HKDC1: variants seen among roughly 807,000 people sequenced by gnomAD.
HKDC1 encodes the protein hexokinase domain containing 1.
A neutral mutation model predicts 96.6 loss-of-function variants in HKDC1; 66 were observed. That is an observed-to-expected ratio of 0.68 (90% confidence interval 0.56 to 0.84). The LOEUF (loss-of-function observed/expected upper bound fraction) is 0.84. HKDC1 is among the 40% of genes least tolerant of loss of function. The pLI is 0.00. For synonymous variants in HKDC1, 466 were observed against 473.1 expected (o/e 0.98, Z 0.20); for missense variants, 1,211 against 1,208.1 (o/e 1.00, Z -0.04).
chr10:69,225,842 C>T (rs1843146263), intron 1 of HKDC1: 1 of 152,368 alleles, frequency 6.6e-6, no homozygotes. Flanking sequence ...GAACTTTGGC[C>T]TTACGTGGCT....
At chr10:69,235,282 C>A (rs1335534506) in intron 4 of HKDC1, among the ~76,000 whole-genome samples, 1 of 152,018 alleles carries the variant, frequency 6.6e-6, no homozygotes, top group Admixed American at 6.6e-5. Context: ...ATTAGCTGGG[C>A]CTGGTGGCGG....
chr10:69,257,225 C>T, intron 13 of HKDC1, 94 bp downstream of exon 13: 2 of 1,442,400 alleles, frequency 1.4e-6, no homozygotes, highest in Non-Finnish European at 2.0e-6. Context: ...TGACTCTGGC[C>T]TCTGTCTGCC....
chr10:69,257,273 C>A (rs1843733136), intron 13 of HKDC1, 54 bp from the exon 14 acceptor site: 2 of 1,532,818 alleles, frequency 1.3e-6, no homozygotes, highest in Non-Finnish European at 1.8e-6. Context: ...GTTTGGCTTG[C>A]ACATTCAACT....
Position 69,246,205 on chromosome 10 carries a change from C to A in HKDC1, c.1002C>A (p.Ile334=), listed in dbSNP as rs144214911. The change falls in exon 8 of 18, where the codon ATC becomes ATA. Residue 334 remains isoleucine, a synonymous_variant. Transcript: ENST00000354624. ...CTGCTCTCCACACTAAGGGCAAGAT[C>A]GAAACACGGCACGTGGCTGCCATGG... ...KSSALHTKGK[I]ETRHVAAMEK... 6.2e-7 allele frequency: 1 copy of A among 1,614,104 alleles called. No homozygotes were observed. The highest frequency in any genetic ancestry group is 8.5e-7 in the Non-Finnish European group (1 of 1,180,026).
chr10:69,241,336 G>A (rs1312453193), intron 6 of HKDC1, among the ~76,000 whole-genome samples: 1 of 152,110 alleles, frequency 6.6e-6, no homozygotes, highest in Admixed American at 6.5e-5. Flanking sequence ...GAGAGTCGGA[G>A]GCCATTCAAG....
chr10:69,224,809 G>A (rs1327259599), intron 1 of HKDC1, among the ~76,000 whole-genome samples: 1 of 152,146 alleles, frequency 6.6e-6, no homozygotes, highest in Non-Finnish European at 1.5e-5. Context: ...CTGCTGGTTG[G>A]CTTTCTTGCT....
chr10:69,242,284 T>C, intron 6 of HKDC1, among the ~76,000 whole-genome samples: 1 of 152,080 alleles, frequency 6.6e-6, no homozygotes, highest in Middle Eastern at 3.4e-3. Flanking sequence ...AACCACAGAT[T>C]GGGGGGGCCA....
chr10:69,267,461 G>A lies in HKDC1; in HGVS notation c.*704G>A. The A allele has an allele frequency of 2.2e-6, 1 of 455,792 alleles. No individual in the cohort carries two copies. The highest frequency in any genetic ancestry group is 4.4e-6 in the Non-Finnish European group (1 of 226,896). The allele number at this position is 455,792 out of a possible 1,614,324, so 28.2% of individuals were successfully genotyped here. ...GGCATCTGTTTTTCATTTTGCCTGT[G>A]GTTTGTGTTGCAGGTGTTGATAGTT... On this transcript the variant is annotated 3_prime_UTR_variant, in exon 18 of 18. Transcript: ENST00000354624.
intron 12 of HKDC1, among the ~76,000 whole-genome samples, chr10:69,255,069 G>C (rs1047676125): frequency 6.6e-6 from 1 of 152,170 alleles, no homozygotes; most frequent in Non-Finnish European, 1.5e-5. Context: ...AGCTGTCTGC[G>C]GTCCTGACGG....
At chr10:69,239,357 T>C (rs1843417451) in intron 5 of HKDC1, among the ~76,000 whole-genome samples, 1 of 152,202 alleles carries the variant, frequency 6.6e-6, no homozygotes, top group African/African-American at 2.4e-5. Context: ...CCAATCCCTA[T>C]TGAAAGGTGG....
chr10:69,257,102 A>G lies in HKDC1; in HGVS notation c.1903A>G (p.Met635Val), dbSNP rs1176260970. The change falls in exon 13 of 18, where the codon ATG (methionine) becomes GTG (valine). Residue 635 changes from methionine (M) to valine (V), a missense_variant. By Grantham distance (21) the Met-to-Val change is conservative (BLOSUM62 1). Coordinates refer to ENST00000354624, the MANE Select transcript of HKDC1 (RefSeq NM_025130.4). ...CTGTGAAGGGGAGGACGTGGTGGAC[A>G]TGCTCAGGGAAGCCATCAAGAGGAG... is the stretch of plus-strand genomic sequence containing the variant. ...TDCEGEDVVD[M>V]LREAIKRRNE... 2 of 1,614,118 alleles carry G rather than the reference A, an allele frequency of 1.2e-6. No individual in the cohort carries two copies. The highest frequency in any genetic ancestry group is 1.7e-4 in the Middle Eastern group (1 of 6,038).
intron 1 of HKDC1, chr10:69,222,924 CCTT>C (rs1316159381): frequency 6.6e-6 from 1 of 152,230 alleles, no homozygotes; most frequent in Non-Finnish European, 1.5e-5. Flanking sequence ...CAGTGAGTCC[CCTT>C]CTTCGTCTCT....
intron 17 of HKDC1, 128 bp from the exon 18 acceptor site, chr10:69,266,482 G>T: frequency 2.9e-4 from 195 of 680,708 alleles, no homozygotes; most frequent in Middle Eastern, 1.0e-3. Context: ...AAAAAAATTA[G>T]AAGAAGCTGT....
Position 69,257,899 on chromosome 10 carries a change from G to C in HKDC1, c.2032+473G>C, listed in dbSNP as rs189240185. Among the ~76,000 whole-genome samples, 3 of 152,280 alleles carry C rather than the reference G, an allele frequency of 2.0e-5. No homozygotes were observed. In the East Asian group the frequency reaches 5.8e-4, roughly 29 times the overall value. ...TTTTAGGGGTCTTTGGGAGAAGTCT[G>C]GCAGTGATTAAGGCCAAGGGTAGAT... On this transcript the variant is annotated intron_variant, in intron 14 of 17. Coordinates refer to ENST00000354624, the MANE Select transcript of HKDC1 (RefSeq NM_025130.4).
chr10:69,253,191 C>T (rs1385194571), intron 12 of HKDC1, among the ~76,000 whole-genome samples: 3 of 152,124 alleles, frequency 2.0e-5, no homozygotes, highest in Non-Finnish European at 4.4e-5. Flanking sequence ...AGACACTGGG[C>T]TAAGCTCTTA....
At chr10:69,231,957 G>A (rs1351413239) in intron 2 of HKDC1, among the ~76,000 whole-genome samples, 1 of 152,216 alleles carries the variant, frequency 6.6e-6, no homozygotes, top group Non-Finnish European at 1.5e-5. Flanking sequence ...ATTTCCGGAT[G>A]TCTACACAAA....
At chr10:69,230,422 C>A (rs1290733150) in intron 2 of HKDC1, among the ~76,000 whole-genome samples, 2 of 152,128 alleles carry the variant, frequency 1.3e-5, no homozygotes, top group Non-Finnish European at 2.9e-5. Context: ...GACTCTGAAT[C>A]TCCAGGAATC....
intron 2 of HKDC1, among the ~76,000 whole-genome samples, chr10:69,229,840 G>C (rs1843223663): frequency 6.6e-6 from 1 of 152,150 alleles, no homozygotes. Context: ...TAATAAGCCA[G>C]GTGTTCTTGG....
rs746807917 is a variant in HKDC1 at position 69,267,528 on chromosome 10, A to T, written c.*771A>T. 6.3e-4 allele frequency: 286 copies of T among 451,260 alleles called. No individual in the cohort carries two copies. Among genetic ancestry groups the T allele is most frequent in the Non-Finnish European group, 9.4e-4 (213 of 225,766 alleles). 28.0% of individuals were successfully genotyped at this position (451,260 alleles called of 1,614,324 possible). On this transcript the variant is annotated 3_prime_UTR_variant, in exon 18 of 18. Coordinates refer to ENST00000354624, the MANE Select transcript of HKDC1 (RefSeq NM_025130.4). Reference sequence around the variant, plus strand: ...GGTATAGGAAATCCAGTAAATTAATAAAAAAATTTTGATTTTCCAATAAAC... The same window carrying T: ...GGTATAGGAAATCCAGTAAATTAATTAAAAAATTTTGATTTTCCAATAAAC...
Sources: allele counts gnomAD v4.1 joint callset (sites outside exome capture counted in the v4.1 genomes callset), GRCh38; gene constraint gnomAD v4.1.1; transcripts MANE v1.5; gene names NCBI Gene and HGNC (gene_info 2026-07-23, HGNC 2026-07-21).